The following USP34 variants were observed in gnomAD, a reference collection of about 807,000 sequenced individuals.
The protein encoded by USP34 is ubiquitin carboxyl-terminal hydrolase 34.
Under a neutral mutation model 460.3 loss-of-function variants are expected in USP34, and 70 were observed. The observed-to-expected ratio is 0.15, with a 90% CI of 0.13 to 0.19. USP34 has a LOEUF of 0.19. USP34 is among the 10% of genes least tolerant of loss of function. USP34 has a pLI of 1.00. For missense variants in USP34, 3,985 were observed against 4,236.2 expected (o/e 0.94, Z 1.65); for synonymous variants, 1,647 against 1,405.3 (o/e 1.17, Z -3.85).
rs1368047168 is a variant in USP34 at position 61,344,239 on chromosome 2, C to T, written c.2286-210G>A. ...AATTTTACAATATACAGTCATATTA[C>T]CAGGCCTATTAAGACACCTCATTAA... On this transcript the variant is annotated intron_variant, in intron 15 of 79. Transcript: ENST00000398571. 2.8e-4 allele frequency among the ~76,000 whole-genome samples: 42 copies of T among 152,098 alleles called. 1 individual carries two copies. Among genetic ancestry groups the T allele is most frequent in the Admixed American group, 2.7e-3 (42 of 15,280 alleles).
intron 75 of USP34, 167 bp from the exon 76 acceptor site, chr2:61,193,147 CT>C: frequency 1.8e-6 from 1 of 569,248 alleles, no homozygotes; most frequent in Non-Finnish European, 3.1e-6. Context: ...AGTGAAATAT[CT>C]TAGAATGTGG....
intron 27 of USP34, among the ~76,000 whole-genome samples, chr2:61,307,015 CAT>C (rs1365111628): frequency 1.6e-4 from 25 of 152,098 alleles, no homozygotes; most frequent in Non-Finnish European, 1.5e-5. Context: ...CACATGCACA[CAT>C]ATGTTTATTG....
At chr2:61,283,603 G>C (rs940208613) in intron 35 of USP34, among the ~76,000 whole-genome samples, 154 bp from the exon 36 acceptor site, 1 of 151,066 alleles carries the variant, frequency 6.6e-6, no homozygotes, top group African/African-American at 2.5e-5. Context: ...GAGTGAGAGA[G>C]AGTGTGAGTG....
At chr2:61,423,813 C>G (rs917593676) in intron 1 of USP34, among the ~76,000 whole-genome samples, 1 of 152,148 alleles carries the variant, frequency 6.6e-6, no homozygotes, top group Non-Finnish European at 1.5e-5. Context: ...TAGCCAGGCA[C>G]GGTGGCACAT....
intron 1 of USP34, among the ~76,000 whole-genome samples, chr2:61,450,712 G>A (rs376721735): frequency 2.3e-4 from 35 of 151,926 alleles, no homozygotes; most frequent in South Asian, 6.2e-4. Flanking sequence ...AAAGAAATAC[G>A]CAGAACCTAC....
chr2:61,260,454 A>C (rs1688846409), intron 43 of USP34, among the ~76,000 whole-genome samples: 1 of 152,210 alleles, frequency 6.6e-6, no homozygotes, highest in Admixed American at 6.5e-5. Context: ...ACCTCTCATA[A>C]CTTTGAAAGT....
intron 1 of USP34, among the ~76,000 whole-genome samples, chr2:61,445,275 C>G (rs1459663957): frequency 6.8e-6 from 1 of 147,424 alleles, no homozygotes; most frequent in East Asian, 2.0e-4. Context: ...GTGGCTCACA[C>G]CTGTAATCCC....
rs1214919350 is a variant in USP34 at position 61,395,165 on chromosome 2, A to C, written c.603+18T>G. 4.7e-6 allele frequency: 7 copies of C among 1,493,766 alleles called. No individual in the cohort carries two copies. In the Admixed American group the frequency reaches 1.5e-4, roughly 32 times the overall value. 92.5% of individuals were successfully genotyped at this position (1,493,766 alleles called of 1,614,324 possible). ...AAATAAAATTTTCCATAAAAGAATA[A>C]AAAAGGTAAACACTTACATTCATAT... On this transcript the variant is annotated intron_variant, in intron 4 of 79. Transcript: ENST00000398571.
intron 70 of USP34, 129 bp downstream of exon 70, chr2:61,208,769 TG>T: frequency 2.1e-6 from 1 of 470,346 alleles, no homozygotes; most frequent in Admixed American, 4.2e-5. Context: ...TCAGGTTTAC[TG>T]ATCTATATAA....
At chr2:61,427,443 T>C (rs1017401508) in intron 1 of USP34, among the ~76,000 whole-genome samples, 1 of 152,172 alleles carries the variant, frequency 6.6e-6, no homozygotes, top group Non-Finnish European at 1.5e-5. Flanking sequence ...GAACATCTAC[T>C]AGCATCAACG....
At chr2:61,354,735 T>G (rs548678581) in intron 10 of USP34, among the ~76,000 whole-genome samples, 1 of 152,130 alleles carries the variant, frequency 6.6e-6, no homozygotes, top group African/African-American at 2.4e-5. Flanking sequence ...CTATGTTGGG[T>G]TGGGCAACAT....
At chr2:61,361,249 A>G (rs541668223) in intron 10 of USP34, among the ~76,000 whole-genome samples, 7 of 152,234 alleles carry the variant, frequency 4.6e-5, no homozygotes, top group African/African-American at 1.7e-4. Flanking sequence ...AGTCTCTACA[A>G]AACAATTTAA....
intron 75 of USP34, chr2:61,194,014 T>G: frequency 4.6e-6 from 3 of 656,316 alleles, no homozygotes; most frequent in Non-Finnish European, 5.7e-6. Flanking sequence ...AAAAAAAAAT[T>G]TAAAAATATG....
rs576198731 is a variant in USP34, at chr2:61,430,905, G to T, written c.44-10072C>A. Among the ~76,000 whole-genome samples the T allele has an allele frequency of 3.3e-5, 5 of 152,268 alleles. No homozygotes were observed. The South Asian group carries it at 8.3e-4, about 25-fold the overall frequency. Reference sequence around the variant, plus strand: ...TGTAATCTCAGCTACTTGGGAGGCTGAGAAGAGAGGATCACTTGAGCCTGG... The same window carrying T: ...TGTAATCTCAGCTACTTGGGAGGCTTAGAAGAGAGGATCACTTGAGCCTGG... On this transcript the variant is annotated intron_variant, in intron 1 of 79. Coordinates refer to ENST00000398571, the MANE Select transcript of USP34 (RefSeq NM_014709.4).
intron 10 of USP34, among the ~76,000 whole-genome samples, chr2:61,370,120 C>T (rs988456106): frequency 2.6e-5 from 4 of 152,056 alleles, no homozygotes; most frequent in South Asian, 4.1e-4. Context: ...CATGAAGAAG[C>T]TCCAACTGAC....
intron 20 of USP34, among the ~76,000 whole-genome samples, chr2:61,328,445 T>C (rs1691164611): frequency 6.6e-6 from 1 of 152,028 alleles, no homozygotes; most frequent in South Asian, 2.1e-4. Flanking sequence ...CCTATTTTAA[T>C]CTCCACTGGA....
At chr2:61,372,565 G>A (rs998690233) in intron 8 of USP34, among the ~76,000 whole-genome samples, 8 of 152,186 alleles carry the variant, frequency 5.3e-5, no homozygotes, top group African/African-American at 7.2e-5. Flanking sequence ...GCCTGTTTCC[G>A]CCAGGCATGG....
chr2:61,341,761 T>C (rs1229915297), intron 16 of USP34, among the ~76,000 whole-genome samples: 4 of 142,432 alleles, frequency 2.8e-5, no homozygotes, highest in African/African-American at 5.2e-5. Context: ...CTTTCTTTTT[T>C]TTTTTTTTTT....
chr2:61,240,520 C>T (rs1294006768), intron 53 of USP34, among the ~76,000 whole-genome samples: 2 of 152,000 alleles, frequency 1.3e-5, no homozygotes, highest in African/African-American at 4.8e-5. Context: ...CCTCGTGATC[C>T]GCCCGCCTCG....
Sources: gnomAD v4.1 joint callset for allele counts (sites outside exome capture counted in the v4.1 genomes callset) on GRCh38, gnomAD v4.1.1 for gene constraint, MANE v1.5 for transcripts, NCBI Gene and HGNC (gene_info 2026-07-23, HGNC 2026-07-21) for gene names.